Variants in EDEM3 observed in about 807,000 individuals in gnomAD.
EDEM3 encodes ER degradation enhancing alpha-mannosidase like protein 3, also known as ER degradation-enhancing alpha-mannosidase-like protein 3.
Under a neutral mutation model 110.2 loss-of-function variants are expected in EDEM3, and 60 were observed. The ratio of observed to expected loss-of-function variants is 0.54; its 90% CI spans 0.44 to 0.67. The LOEUF (loss-of-function observed/expected upper bound fraction) is 0.67. Ranked by LOEUF, EDEM3 falls within the 30% of genes least tolerant of loss-of-function variation. EDEM3 has a pLI of 0.00. For missense variants in EDEM3, 996 were observed against 1,121.0 expected (o/e 0.89, Z 1.59); for synonymous variants, 352 against 382.9 (o/e 0.92, Z 0.94).
chr1:184,745,124 T>C (rs1340684404), intron 2 of EDEM3, among the ~76,000 whole-genome samples: 1 of 152,138 alleles, frequency 6.6e-6, no homozygotes, highest in Non-Finnish European at 1.5e-5. Context: ...CTGTAAATTA[T>C]ATCTAAAAAA....
chr1:184,731,889 C>T (rs1019624433), intron 6 of EDEM3, among the ~76,000 whole-genome samples: 2 of 152,082 alleles, frequency 1.3e-5, no homozygotes, highest in African/African-American at 4.8e-5. Context: ...ATGAAATAAG[C>T]CAGGCACCTG....
intron 1 of EDEM3, among the ~76,000 whole-genome samples, chr1:184,750,993 A>G (rs983885823): frequency 1.3e-5 from 2 of 152,132 alleles, no homozygotes; most frequent in African/African-American, 4.8e-5. Flanking sequence ...AAAAGACCTC[A>G]GTTCCAGATC....
rs146162494 is a variant in EDEM3, at chr1:184,740,111, T to C, written c.205-2400A>G. On this transcript the variant is annotated intron_variant, in intron 2 of 19. Coordinates refer to ENST00000318130, the MANE Select transcript of EDEM3 (RefSeq NM_025191.4). ...AACCATAAAGACCTGCTGATCTTTA[T>C]ATTTCCTTCACCAAGAGACAGTTTC... 4.0e-3 allele frequency among the ~76,000 whole-genome samples: 614 copies of C among 152,314 alleles called. 5 individuals carry two copies. Among genetic ancestry groups the C allele is most frequent in the African/African-American group, 0.014 (593 of 41,556 alleles).
At chr1:184,727,414 T>C (rs1215851086) in intron 6 of EDEM3, among the ~76,000 whole-genome samples, 1 of 151,866 alleles carries the variant, frequency 6.6e-6, no homozygotes, top group Non-Finnish European at 1.5e-5. Context: ...AGCCAACAAA[T>C]AAACAAAAAA....
rs71101940 is a variant in EDEM3, at chr1:184,723,865, T to TAAAAAAAAA, written c.748-18_748-10dup. 2.7e-6 allele frequency: 3 copies of TAAAAAAAAA among 1,091,042 alleles called. No homozygotes were observed. Among genetic ancestry groups the TAAAAAAAAA allele is most frequent in the African/African-American group, 2.0e-5 (1 of 50,962 alleles). 67.6% of individuals were successfully genotyped at this position (1,091,042 alleles called of 1,614,324 possible). On this transcript the variant is annotated splice_polypyrimidine_tract_variant and intron_variant, in intron 7 of 19. Coordinates refer to ENST00000318130, the MANE Select transcript of EDEM3 (RefSeq NM_025191.4). ...GCTTTTCTGGCATATTCCTGTAATT[T>TAAAAAAAAA]AAAAAAAAAAAAAAAAAAAAGAAGT...
At chr1:184,719,593 T>A (rs765403265) in intron 9 of EDEM3, 25 bp from the exon 10 acceptor site, 7 of 1,610,664 alleles carry the variant, frequency 4.3e-6, no homozygotes, top group Non-Finnish European at 5.9e-6. Flanking sequence ...CATGTGTTCA[T>A]GAAAGTTAGA....
chr1:184,754,569 G>A lies in EDEM3; in HGVS notation c.78C>T (p.Ala26=), dbSNP rs1652985947. Residue 26 remains alanine (A), a synonymous_variant, in exon 1 of 20, where the codon GCC becomes GCT. Transcript: ENST00000318130. ...RARWRLVAAT[A]AFCLVSATSV... is the part of the protein sequence containing the mutation. ...AGGTGGCCGACACCAGGCAGAACGC[G>A]GCCGTCGCCGCCACTAGTCTCCATC... The A allele has an allele frequency of 1.2e-6, 2 of 1,609,782 alleles. No individual in the cohort carries two copies. Among genetic ancestry groups the A allele is most frequent in the Admixed American group, 1.7e-5 (1 of 59,916 alleles).
intron 17 of EDEM3, 65 bp from the exon 18 acceptor site, chr1:184,706,873 T>A: frequency 6.6e-7 from 1 of 1,510,364 alleles, no homozygotes; most frequent in Admixed American, 1.9e-5. Context: ...TCATTAAACC[T>A]CAATATCTAG....
chr1:184,754,725 T>G lies in EDEM3; in HGVS notation c.-79A>C, dbSNP rs906647368. ...TGCTGGACGCTGGTGGCCAGGGGGCTGCTAGCCGTGCCGAGACGGGGCGGG... is the reference window on the plus strand; with the variant it reads ...TGCTGGACGCTGGTGGCCAGGGGGCGGCTAGCCGTGCCGAGACGGGGCGGG... On this transcript the variant is annotated 5_prime_UTR_variant, in exon 1 of 20. Transcript: ENST00000318130. The G allele has an allele frequency of 2.4e-5, 34 of 1,430,772 alleles. No individual in the cohort carries two copies. Among genetic ancestry groups the G allele is most frequent in the African/African-American group, 3.0e-5 (2 of 66,788 alleles). 88.6% of individuals were successfully genotyped at this position (1,430,772 alleles called of 1,614,324 possible). A position where few individuals can be genotyped will look rare whatever the true frequency, so the allele number is the denominator to read the frequency against.
chr1:184,694,099 T>C lies in EDEM3; in HGVS notation c.2763A>G (p.Ile921Met). 6.2e-7 allele frequency: 1 copy of C among 1,613,152 alleles called. No individual in the cohort carries two copies. The highest frequency in any genetic ancestry group is 1.1e-5 in the South Asian group (1 of 91,032). ...DSILADWNED[I>M]EAFEMMEKDE... is the part of the protein sequence containing the mutation. ...CCTTCTCCATCATTTCAAATGCTTC[T>C]ATATCTTCATTCCAGTCTGCTAATA... Residue 921 changes from isoleucine to methionine, a missense_variant, in exon 20 of 20, where the codon ATA becomes ATG. Ile to Met is a conservative substitution (Grantham distance 10). This residue lies in a region of EDEM3 where 345 missense variants were observed against 402.0 expected (regional missense o/e 0.86). Transcript: ENST00000318130.
intron 19 of EDEM3, among the ~76,000 whole-genome samples, chr1:184,700,027 G>A (rs1231316198): frequency 6.6e-6 from 1 of 151,962 alleles, no homozygotes; most frequent in Non-Finnish European, 1.5e-5. Context: ...ATGAAACACT[G>A]AGAGATATGA....
intron 6 of EDEM3, among the ~76,000 whole-genome samples, chr1:184,729,991 T>C (rs1490370752): frequency 6.6e-6 from 1 of 152,142 alleles, no homozygotes; most frequent in Non-Finnish European, 1.5e-5. Flanking sequence ...TAATTTAATA[T>C]GCTAAGAAAA....
chr1:184,721,471 A>C (rs1452243374), intron 8 of EDEM3, 85 bp from the exon 9 acceptor site: 3 of 938,662 alleles, frequency 3.2e-6, no homozygotes, highest in Non-Finnish European at 4.8e-6. Flanking sequence ...TTAGATTAGC[A>C]TTAAATTAAC....
At chr1:184,749,972 G>A (rs769114701) in intron 1 of EDEM3, among the ~76,000 whole-genome samples, 11 of 152,116 alleles carry the variant, frequency 7.2e-5, no homozygotes, top group Non-Finnish European at 1.5e-4. Flanking sequence ...TTGCTGGACA[G>A]CCCTTTAAAA....
intron 6 of EDEM3, among the ~76,000 whole-genome samples, chr1:184,729,631 A>G (rs1391522523): frequency 6.6e-6 from 1 of 152,182 alleles, no homozygotes; most frequent in Admixed American, 6.5e-5. Flanking sequence ...ATGCTTATCT[A>G]AGAGAGACTG....
intron 19 of EDEM3, among the ~76,000 whole-genome samples, chr1:184,695,744 C>A (rs1649297565): frequency 6.6e-6 from 1 of 151,864 alleles, no homozygotes; most frequent in Non-Finnish European, 1.5e-5. Context: ...CAAAAAGTTC[C>A]TTCAGAAAGT....
intron 18 of EDEM3, 59 bp from the exon 19 acceptor site, chr1:184,703,055 T>A (rs1649716516): frequency 2.4e-6 from 3 of 1,246,420 alleles, no homozygotes; most frequent in Admixed American, 6.3e-5. Context: ...AAGATCTATC[T>A]ACTAATTGTT....
intron 13 of EDEM3, 36 bp downstream of exon 13, chr1:184,716,852 G>A (rs1349465730): frequency 5.0e-6 from 8 of 1,607,328 alleles, no homozygotes; most frequent in Non-Finnish European, 6.0e-6. Context: ...GTTTCAGAGA[G>A]ACCCTGAGGA....
intron 11 of EDEM3, among the ~76,000 whole-genome samples, chr1:184,718,861 A>G (rs1650701974): frequency 6.6e-6 from 1 of 152,118 alleles, no homozygotes; most frequent in African/African-American, 2.4e-5. Flanking sequence ...AGAATATTAC[A>G]ATGGCATAAG....
Sources: gnomAD v4.1 joint callset for allele counts (sites outside exome capture counted in the v4.1 genomes callset) on GRCh38, gnomAD v4.1.1 for gene constraint, gnomAD v4.1.1 regional missense constraint, MANE v1.5 for transcripts, NCBI Gene and HGNC (gene_info 2026-07-23, HGNC 2026-07-21) for gene names.